Variants in ZNHIT6 observed in about 807,000 individuals in gnomAD.
ZNHIT6 encodes box C/D snoRNA protein 1.
ZNHIT6 carries 45 observed loss-of-function variants against 57.2 expected under a neutral mutation model. That is an observed-to-expected ratio of 0.79 (90% CI 0.62 to 1.01). ZNHIT6 has a LOEUF of 1.01. Ranked by LOEUF, ZNHIT6 falls within the 50% of genes least tolerant of loss-of-function variation. The probability of loss-of-function intolerance (pLI) is 0.00; values close to 1 mark genes in which losing one functional copy is unlikely to be tolerated. For missense variants in ZNHIT6, 528 were observed against 567.3 expected, an observed-to-expected ratio of 0.93 and a Z score of 0.70; for synonymous variants, 188 against 190.0, an observed-to-expected ratio of 0.99 and a Z score of 0.09.
In ZNHIT6 at chr1:85,657,848, T is replaced by C; in HGVS notation, c.1371A>G (p.Gln457=). The change falls in exon 9 of 10, where the codon CAA becomes CAG. Residue 457 remains glutamine (Q), a splice_region_variant and synonymous_variant. Coordinates refer to ENST00000370574, the MANE Select transcript of ZNHIT6 (RefSeq NM_017953.4). ...GSNNDMKVLH[Q]VKSESTKNVG... ...TTACAGAAACAAATTTACACTTACC[T>C]TGGTGAAGAACTTTCATGTCATTAT... 1.2e-6 allele frequency: 2 copies of C among 1,606,372 alleles called. No homozygotes were observed. The highest frequency in any genetic ancestry group is 1.7e-6 in the Non-Finnish European group (2 of 1,177,550).
intron 8 of ZNHIT6, among the ~76,000 whole-genome samples, chr1:85,673,099 G>GT (rs1009397498): frequency 3.3e-5 from 5 of 152,082 alleles, no homozygotes; most frequent in Admixed American, 3.3e-4. Context: ...TAGAAAGTTG[G>GT]TAAGAAATAA....
Position 85,708,383 on chromosome 1 carries a change from A to C in ZNHIT6, c.-99T>G. ...CCGGTCGGAATACCTACGGCGGCCC[A>C]CGTGTGGAGCCAAGCAGCCACAAAC... On this transcript the variant is annotated 5_prime_UTR_variant, in exon 1 of 10. Coordinates refer to ENST00000370574, the MANE Select transcript of ZNHIT6 (RefSeq NM_017953.4). 2.1e-6 allele frequency: 3 copies of C among 1,447,618 alleles called. No individual in the cohort carries two copies. The highest frequency in any genetic ancestry group is 2.8e-6 in the Non-Finnish European group (3 of 1,088,462). The allele number at this position is 1,447,618 out of a possible 1,614,324, so 89.7% of individuals were successfully genotyped here.
intron 8 of ZNHIT6, among the ~76,000 whole-genome samples, chr1:85,659,125 T>A (rs1159402307): frequency 1.3e-5 from 2 of 152,158 alleles, no homozygotes; most frequent in Non-Finnish European, 2.9e-5. Flanking sequence ...ATTTAAGAAA[T>A]ACAGAGTTTA....
intron 5 of ZNHIT6, among the ~76,000 whole-genome samples, chr1:85,682,145 G>A (rs1378662534): frequency 6.7e-6 from 1 of 148,434 alleles, no homozygotes; most frequent in Non-Finnish European, 1.5e-5. Context: ...CTGAATAGCT[G>A]GGACTACAGG....
intron 5 of ZNHIT6, among the ~76,000 whole-genome samples, chr1:85,689,461 A>G (rs1170333620): frequency 6.6e-6 from 1 of 152,238 alleles, no homozygotes; most frequent in Non-Finnish European, 1.5e-5. Flanking sequence ...TGGGAGAATG[A>G]AAACCATAAT....
chr1:85,667,961 A>AAAAAAAAAAAAAAAAAATGTATATAT lies in ZNHIT6; in HGVS notation c.1247+9274_1247+9275insATATATACATTTTTTTTTTTTTTTTT. Among the ~76,000 whole-genome samples the AAAAAAAAAAAAAAAAAATGTATATAT allele has an allele frequency of 3.8e-4, 7 of 18,196 alleles. 1 individual carries two copies. Among genetic ancestry groups the AAAAAAAAAAAAAAAAAATGTATATAT allele is most frequent in the African/African-American group, 8.5e-4 (4 of 4,706 alleles). 11.9% of individuals were successfully genotyped at this position (18,196 alleles called of 152,430 possible). ...ACTCTCTCTTTCAAAAAAAAAAAAA[A>AAAAAAAAAAAAAAAAAATGTATATAT]ATATATATATATATATATATATATG... is the stretch of plus-strand genomic sequence containing the variant. On this transcript the variant is annotated intron_variant, in intron 8 of 9. Transcript: ENST00000370574.
rs1024363066 is a variant in ZNHIT6, at chr1:85,649,974, CTTCT to C, written c.*4080_*4083del. 7.2e-5 allele frequency: 11 copies of C among 152,280 alleles called. No individual in the cohort carries two copies. The highest frequency in any genetic ancestry group is 1.5e-4 in the Non-Finnish European group (10 of 68,026). 9.4% of individuals were successfully genotyped at this position (152,280 alleles called of 1,614,324 possible). A position where few individuals can be genotyped will look rare whatever the true frequency, so the allele number is the denominator to read the frequency against. ...TGCAGATTAAATCTGAACTTTACTC[CTTCT>C]GTTAGTACAAATCAGAAACTTCTTG... On this transcript the variant is annotated 3_prime_UTR_variant, in exon 10 of 10. Transcript: ENST00000370574.
intron 1 of ZNHIT6, 127 bp from the exon 2 acceptor site, chr1:85,706,634 C>T (rs1001700513): frequency 4.5e-5 from 38 of 851,710 alleles, no homozygotes; most frequent in Non-Finnish European, 6.1e-5. Flanking sequence ...AGCTGTTGAA[C>T]ATCATTTGAA....
Position 85,678,711 on chromosome 1 carries a change from T to C in ZNHIT6, c.1159A>G (p.Ile387Val), listed in dbSNP as rs760919705. 1 of 1,584,320 alleles carries C rather than the reference T, an allele frequency of 6.3e-7. No individual in the cohort carries two copies. The highest frequency in any genetic ancestry group is 1.4e-5 in the African/African-American group (1 of 73,504). The change falls in exon 7 of 10, where the codon ATT becomes GTT. Residue 387 changes from isoleucine to valine, a missense_variant. By Grantham distance (29) the Ile-to-Val change is conservative. Coordinates refer to ENST00000370574, the MANE Select transcript of ZNHIT6 (RefSeq NM_017953.4). ...ATTTTTGAAGCATACCTTTGACGAA[T>C]TACAGGATCAGACTTTTCAGGATCA... ...YIDPEKSDPV[I>V]RQRLKAYIRS...
intron 8 of ZNHIT6, among the ~76,000 whole-genome samples, chr1:85,676,351 A>AG (rs1661704019): frequency 6.6e-6 from 1 of 151,682 alleles, no homozygotes; most frequent in African/African-American, 2.4e-5. Context: ...AAAAAAAAAA[A>AG]AAAAAGACTG....
Position 85,657,835 on chromosome 1 carries a change from AT to A in ZNHIT6, c.1372+11del. 6.2e-7 allele frequency: 1 copy of A among 1,605,888 alleles called. No homozygotes were observed. The highest frequency in any genetic ancestry group is 8.5e-7 in the Non-Finnish European group (1 of 1,177,408). ...GCTATTCTAAGCATTACAGAAACAA[AT>A]TTACACTTACCTTGGTGAAGAACTT... On this transcript the variant is annotated intron_variant, in intron 9 of 9. Coordinates refer to ENST00000370574, the MANE Select transcript of ZNHIT6 (RefSeq NM_017953.4).
rs144871348 is a variant in ZNHIT6 at position 85,685,872 on chromosome 1, T to C, written c.1020-4968A>G. 1.8e-4 allele frequency among the ~76,000 whole-genome samples: 28 copies of C among 152,118 alleles called. No individual in the cohort carries two copies. The East Asian group carries it at 5.4e-3, about 29-fold the overall frequency. On this transcript the variant is annotated intron_variant, in intron 5 of 9. Transcript: ENST00000370574. ...CCGTACCTGGCTGATTTGTTACTTT[T>C]CATAATCAGTAAAGTCAAAGATGCA... is the stretch of plus-strand genomic sequence containing the variant.
chr1:85,688,795 A>G (rs926314983), intron 5 of ZNHIT6, among the ~76,000 whole-genome samples: 2 of 152,200 alleles, frequency 1.3e-5, no homozygotes, highest in African/African-American at 4.8e-5. Flanking sequence ...TGTTACCAGC[A>G]ATATCCTATG....
chr1:85,701,941 G>GACACACACAC (rs3059888), intron 5 of ZNHIT6, among the ~76,000 whole-genome samples: 69 of 150,400 alleles, frequency 4.6e-4, no homozygotes, highest in African/African-American at 1.7e-3. Flanking sequence ...ATGATATGAA[G>GACACACACAC]ACACACACAC....
chr1:85,687,288 C>CAAAAAAAAAAAAAA (rs1358501791), intron 5 of ZNHIT6, among the ~76,000 whole-genome samples: 4 of 75,220 alleles, frequency 5.3e-5, no homozygotes, highest in African/African-American at 1.1e-4. Flanking sequence ...TCTCAAAAAA[C>CAAAAAAAAAAAAAA]AAAAAAAAAA....
At chr1:85,678,552 T>C in intron 7 of ZNHIT6, 149 bp downstream of exon 7, 1 of 562,492 alleles carries the variant, frequency 1.8e-6, no homozygotes, top group South Asian at 2.4e-5. Flanking sequence ...TGTCAGCTAT[T>C]TCTACAGACA....
chr1:85,663,153 G>A (rs1661273135), intron 8 of ZNHIT6, among the ~76,000 whole-genome samples: 1 of 152,148 alleles, frequency 6.6e-6, no homozygotes, highest in Admixed American at 6.6e-5. Flanking sequence ...GACTATAACA[G>A]GTGAAAATGT....
chr1:85,698,377 A>G (rs372185135), intron 5 of ZNHIT6, among the ~76,000 whole-genome samples: 266 of 152,346 alleles, frequency 1.7e-3, no homozygotes, highest in African/African-American at 6.2e-3. Flanking sequence ...TATCCCAGTC[A>G]GCTGCTACAA....
intron 5 of ZNHIT6, among the ~76,000 whole-genome samples, chr1:85,691,839 T>G (rs1662229789): frequency 6.6e-6 from 1 of 152,004 alleles, no homozygotes; most frequent in Non-Finnish European, 1.5e-5. Context: ...AGCGCTAAGA[T>G]CACGCCACTA....
Sources: allele counts gnomAD v4.1 joint callset (sites outside exome capture counted in the v4.1 genomes callset), GRCh38; gene constraint gnomAD v4.1.1; transcripts MANE v1.5; gene names NCBI Gene and HGNC (gene_info 2026-07-23, HGNC 2026-07-21).